The following SMS variants were observed in gnomAD, a reference collection of about 807,000 sequenced individuals.
SMS encodes spermidine aminopropyltransferase.
Under a neutral mutation model 33.0 loss-of-function variants are expected in SMS, and 3 were observed. The ratio of observed to expected loss-of-function variants is 0.09; its 90% CI spans 0.04 to 0.23. The LOEUF is 0.23. SMS is among the 10% of genes least tolerant of loss of function. The probability of loss-of-function intolerance (pLI) is 1.00; values close to 1 mark genes in which losing one functional copy is unlikely to be tolerated. For synonymous variants in SMS, 103 were observed against 112.2 expected, an observed-to-expected ratio of 0.92 and a Z score of 0.52; for missense variants, 117 against 288.6, an observed-to-expected ratio of 0.41 and a Z score of 4.31.
chrX:21,978,998 T>G, intron 7 of SMS, 32 bp downstream of exon 7: 1 of 969,940 alleles, frequency 1.0e-6, no homozygotes, highest in Non-Finnish European at 1.5e-6. Context: ...TAGTTTTAAG[T>G]GAACTAATAA....
At chrX:21,959,857 G>C (rs1393582350) in intron 1 of SMS, 1 of 693,979 alleles carries the variant, frequency 1.4e-6, no homozygotes, top group Admixed American at 8.7e-5. Context: ...GGGAGTTGCA[G>C]ACTGGCTCTA....
chrX:21,986,087 G>A (rs766300811), intron 9 of SMS, among the ~76,000 whole-genome samples: 12 of 110,427 alleles, frequency 1.1e-4, no homozygotes, highest in Admixed American at 1.1e-3. Context: ...GGTGGCTTAC[G>A]CCTGTAATCC....
At chrX:21,949,176 C>G (rs2147489868) in intron 1 of SMS, among the ~76,000 whole-genome samples, 1 of 111,984 alleles carries the variant, frequency 8.9e-6, no homozygotes, top group South Asian at 3.7e-4. Context: ...GTAGCATGTT[C>G]TAGATTCCTG....
chrX:21,946,006 A>G (rs913680006), intron 1 of SMS, among the ~76,000 whole-genome samples: 1 of 112,285 alleles, frequency 8.9e-6, no homozygotes, highest in Non-Finnish European at 1.9e-5. Context: ...AGCAAAATTG[A>G]TATTTAACAA....
intron 1 of SMS, among the ~76,000 whole-genome samples, chrX:21,951,345 T>G (rs2147492119): frequency 8.9e-6 from 1 of 112,613 alleles, no homozygotes; most frequent in East Asian, 2.8e-4. Context: ...TAGAGCTTTG[T>G]CAGATGGGTA....
chrX:21,986,770 T>G (rs1925366475), intron 9 of SMS, among the ~76,000 whole-genome samples: 1 of 112,154 alleles, frequency 8.9e-6, no homozygotes, highest in South Asian at 3.6e-4. Context: ...CTTGCATGTT[T>G]GTAAAGTTTT....
intron 4 of SMS, among the ~76,000 whole-genome samples, chrX:21,973,330 A>G (rs918971946): frequency 1.8e-5 from 2 of 112,300 alleles, no homozygotes; most frequent in Non-Finnish European, 3.8e-5. Context: ...CCAGCTTCTC[A>G]GGAGGCTGAG....
chrX:21,954,431 C>G (rs1922836758), intron 1 of SMS, among the ~76,000 whole-genome samples: 1 of 112,623 alleles, frequency 8.9e-6, no homozygotes, highest in Middle Eastern at 4.6e-3. Flanking sequence ...TCAGAGCCAT[C>G]TGGAAAAATT....
At chrX:21,953,407 A>G (rs1217767822) in intron 1 of SMS, among the ~76,000 whole-genome samples, 1 of 111,901 alleles carries the variant, frequency 8.9e-6, no homozygotes, top group African/African-American at 3.3e-5. Context: ...AAGGAAAAAC[A>G]TGTTTTACGA....
At chrX:21,969,463 A>G (rs1321971746) in intron 2 of SMS, among the ~76,000 whole-genome samples, 1 of 111,791 alleles carries the variant, frequency 8.9e-6, no homozygotes, top group Non-Finnish European at 1.9e-5. Flanking sequence ...CTCCTGCAGG[A>G]TTACACTGAG....
chrX:21,949,709 T>C (rs1231204662), intron 1 of SMS, among the ~76,000 whole-genome samples: 1 of 112,167 alleles, frequency 8.9e-6, no homozygotes, highest in Non-Finnish European at 1.9e-5. Flanking sequence ...TAGATCACAG[T>C]GTTCAAACAA....
chrX:21,984,741 A>C (rs765362893), intron 8 of SMS, among the ~76,000 whole-genome samples: 2 of 112,246 alleles, frequency 1.8e-5, no homozygotes, highest in African/African-American at 6.5e-5. Flanking sequence ...AAGCAACGAC[A>C]TAGATAATTC....
chrX:21,980,498 A>C (rs1281094525), intron 7 of SMS, among the ~76,000 whole-genome samples: 1 of 105,455 alleles, frequency 9.5e-6, no homozygotes, highest in Non-Finnish European at 1.9e-5. Context: ...ATCTAAAATA[A>C]AAGTTAAATT....
chrX:21,957,455 C>A (rs1461039736), intron 1 of SMS, among the ~76,000 whole-genome samples: 1 of 110,857 alleles, frequency 9.0e-6, no homozygotes, highest in Admixed American at 9.5e-5. Flanking sequence ...TGCCACCACA[C>A]CCGGCTAGTT....
chrX:21,963,423 A>G (rs1471962674), intron 1 of SMS, among the ~76,000 whole-genome samples: 2 of 112,498 alleles, frequency 1.8e-5, no homozygotes, highest in Non-Finnish European at 3.8e-5. Flanking sequence ...GCTTCCAGAA[A>G]CACGTTCAGC....
chrX:21,979,538 C>CT (rs984416441), intron 7 of SMS, among the ~76,000 whole-genome samples: 2 of 111,141 alleles, frequency 1.8e-5, no homozygotes, highest in Non-Finnish European at 3.8e-5. Flanking sequence ...TGAACTCATT[C>CT]TTTTTTATGG....
intron 1 of SMS, among the ~76,000 whole-genome samples, chrX:21,943,386 G>A (rs1053788911): frequency 4.5e-5 from 5 of 111,956 alleles, no homozygotes; most frequent in African/African-American, 9.8e-5. Flanking sequence ...TGGATGTATC[G>A]TGTGGGAGGG....
chrX:21,957,965 T>G (rs191263389), intron 1 of SMS, among the ~76,000 whole-genome samples: 2 of 110,661 alleles, frequency 1.8e-5, no homozygotes, highest in East Asian at 2.8e-4. Flanking sequence ...ATTTGTTTTT[T>G]TTTTTTTTCT....
intron 1 of SMS, among the ~76,000 whole-genome samples, chrX:21,966,552 G>A (rs770651176): frequency 9.0e-6 from 1 of 111,185 alleles, no homozygotes; most frequent in African/African-American, 3.3e-5. Context: ...TGGCTTCTGC[G>A]ACCATGGGGG....
Sources: allele counts gnomAD v4.1 joint callset (sites outside exome capture counted in the v4.1 genomes callset), GRCh38; gene constraint gnomAD v4.1.1; transcripts MANE v1.5; gene names NCBI Gene and HGNC (gene_info 2026-07-23, HGNC 2026-07-21).